The following ST13 variants were observed in gnomAD, a reference collection of about 807,000 sequenced individuals.
The protein encoded by ST13 is ST13 Hsp70 interacting protein, also known as hsc70-interacting protein.
A neutral mutation model predicts 56.7 loss-of-function variants in ST13; 23 were observed. The observed-to-expected ratio is 0.41, with a 90% CI of 0.29 to 0.57. The LOEUF (loss-of-function observed/expected upper bound fraction) is 0.57, where lower values mean the gene tolerates loss of function less well. Among genes scored for constraint, ST13 ranks in the 20% least tolerant of loss-of-function variants. The pLI is 0.36. For missense variants in ST13, 369 were observed against 459.9 expected, an observed-to-expected ratio of 0.80 and a Z score of 1.81; for synonymous variants, 132 against 142.4, an observed-to-expected ratio of 0.93 and a Z score of 0.52.
chr22:40,829,672 C>A lies in ST13; in HGVS notation c.801G>T (p.Glu267Asp). The stretch of plus-strand genomic sequence containing the variant: ...CTCCTGACTGTCGTCTGGCTTCTTC[C>A]TCCTTTGATACAAAAGGAAATAAAT... The part of the protein sequence containing the change: ...AREEHERAQR[E>D]EEARRQSGAQ... The change falls in exon 10 of 12, where the codon GAG (glutamate) becomes GAT (aspartate). Residue 267 changes from glutamate to aspartate, a missense_variant and splice_region_variant. This residue lies in a region of ST13 where 136 missense variants were observed against 159.2 expected (regional missense o/e 0.85). Coordinates refer to ENST00000216218, the MANE Select transcript of ST13 (RefSeq NM_003932.5). The A allele has an allele frequency of 6.8e-7, 1 of 1,478,094 alleles. No individual in the cohort carries two copies. Among genetic ancestry groups the A allele is most frequent in the Admixed American group, 1.8e-5 (1 of 54,770 alleles). The allele number at this position is 1,478,094 out of a possible 1,614,324, so 91.6% of individuals were successfully genotyped here.
chr22:40,855,980 T>C (rs1225323512), intron 1 of ST13, among the ~76,000 whole-genome samples: 1 of 152,216 alleles, frequency 6.6e-6, no homozygotes, highest in Non-Finnish European at 1.5e-5. Flanking sequence ...TTATTCTTAC[T>C]AGTTTTGTAA....
At chr22:40,828,448 CAAA>C (rs35951111) in intron 10 of ST13, among the ~76,000 whole-genome samples, 6 of 135,358 alleles carry the variant, frequency 4.4e-5, no homozygotes, top group African/African-American at 1.1e-4. Context: ...ACTAAAAATA[CAAA>C]AAAAAAAAAA....
rs540039417 is a variant in ST13, at chr22:40,856,635, G to A, written c.-95C>T. 55 of 976,482 alleles carry A rather than the reference G, an allele frequency of 5.6e-5. 1 individual carries two copies. In the East Asian group the frequency reaches 1.1e-3, roughly 20 times the overall value. The allele number at this position is 976,482 out of a possible 1,614,324, so 60.5% of individuals were successfully genotyped here. A position where few individuals can be genotyped will look rare whatever the true frequency, so the allele number is the denominator to read the frequency against. On this transcript the variant is annotated 5_prime_UTR_variant, in exon 1 of 12. Transcript: ENST00000216218. ...GACCGCGCAGAAGGGGGCGGCTGCC[G>A]CAAGACAGAACAGACTAGAACCTCC... is the stretch of plus-strand genomic sequence containing the variant.
At chr22:40,855,655 A>G (rs1009225739) in intron 1 of ST13, among the ~76,000 whole-genome samples, 1 of 152,234 alleles carries the variant, frequency 6.6e-6, no homozygotes, top group Non-Finnish European at 1.5e-5. Context: ...AATGCTAATT[A>G]CTATTATATA....
Position 40,844,862 on chromosome 22 carries a change from C to G in ST13, c.292G>C (p.Glu98Gln), listed in dbSNP as rs150689451. ...VIEPDTDAPQ[E>Q]MGDENAEITE... ...ACCTCCGCATTTTCATCTCCCATTT[C>G]TTGAGGAGCATCAGTGTCTGGTTCA... Residue 98 changes from glutamate (E) to glutamine (Q), a missense_variant, in exon 4 of 12, where the codon GAA becomes CAA. Around this residue, in one of 3 missense-constraint regions of ST13, gnomAD observed 169 missense variants for 175.6 expected, o/e 0.96. Transcript: ENST00000216218. 1.1e-5 allele frequency: 18 copies of G among 1,613,506 alleles called. No homozygotes were observed. The highest frequency in any genetic ancestry group is 3.3e-5 in the Admixed American group (2 of 59,952).
At chr22:40,838,668 G>T (rs2057788517) in intron 5 of ST13, among the ~76,000 whole-genome samples, 1 of 152,010 alleles carries the variant, frequency 6.6e-6, no homozygotes, top group Non-Finnish European at 1.5e-5. Context: ...AGCTACTCAG[G>T]AAGATTGCTT....
chr22:40,853,120 G>C (rs1326643706), intron 1 of ST13, among the ~76,000 whole-genome samples: 11 of 152,148 alleles, frequency 7.2e-5, no homozygotes. Context: ...TCAGAATGGA[G>C]ACTACGTGAC....
chr22:40,846,981 C>A (rs910062836), intron 3 of ST13, among the ~76,000 whole-genome samples: 33 of 151,028 alleles, frequency 2.2e-4, no homozygotes, highest in African/African-American at 8.1e-4. Flanking sequence ...GGTGGCAGAG[C>A]GAAACTCAAG....
intron 4 of ST13, among the ~76,000 whole-genome samples, chr22:40,842,870 C>A (rs766328796): frequency 6.6e-6 from 1 of 152,162 alleles, no homozygotes; most frequent in Non-Finnish European, 1.5e-5. Context: ...ACAAGACTTA[C>A]GTCAGGTGCA....
intron 2 of ST13, among the ~76,000 whole-genome samples, chr22:40,849,732 AT>A (rs747861897): frequency 2.3e-4 from 35 of 152,122 alleles, no homozygotes; most frequent in Non-Finnish European, 4.6e-4. Context: ...TACCACTCTG[AT>A]AAATGGTCCT....
chr22:40,826,440 GAGA>G lies in ST13; in HGVS notation c.*95_*97del, dbSNP rs770708625. The stretch of plus-strand genomic sequence containing the variant: ...TTCAAAGCACCCCAGCTCTCTTGAT[GAGA>G]AGGTCAGAGGTACACTGGTTTGTAT... On this transcript the variant is annotated 3_prime_UTR_variant, in exon 12 of 12. Transcript: ENST00000216218. 61 of 1,286,442 alleles carry G rather than the reference GAGA, an allele frequency of 4.7e-5. No individual in the cohort carries two copies. The Middle Eastern group carries it at 2.3e-3, about 48-fold the overall frequency. The allele number at this position is 1,286,442 out of a possible 1,614,324, so 79.7% of individuals were successfully genotyped here.
At position 40,850,887 on chromosome 22, in the gene ST13, G is replaced by T. The variant is rs368053189; in HGVS notation, c.111-7C>A. ...TGGTACTTTACCACCCATGCTTGAA[G>T]AAGATGAGAAAAAAGATATTTGTTT... is the stretch of plus-strand genomic sequence containing the variant. On this transcript the variant is annotated splice_region_variant and splice_polypyrimidine_tract_variant and intron_variant, in intron 1 of 11. Coordinates refer to ENST00000216218, the MANE Select transcript of ST13 (RefSeq NM_003932.5). 4 of 1,583,960 alleles carry T rather than the reference G, an allele frequency of 2.5e-6. No homozygotes were observed. In the Admixed American group the frequency reaches 7.8e-5, roughly 31 times the overall value.
At chr22:40,832,247 T>C (rs1285044881) in intron 8 of ST13, 1 of 479,486 alleles carries the variant, frequency 2.1e-6, no homozygotes, top group Non-Finnish European at 4.3e-6. Flanking sequence ...TCAGATTCAA[T>C]CCTGGGTAAT....
chr22:40,847,292 T>G (rs1569004290), intron 3 of ST13, among the ~76,000 whole-genome samples: 1 of 151,956 alleles, frequency 6.6e-6, no homozygotes, highest in African/African-American at 2.4e-5. Context: ...CCAAACACTT[T>G]GGAGGCCAAG....
At chr22:40,836,407 C>G (rs1432947969) in intron 5 of ST13, among the ~76,000 whole-genome samples, 1 of 152,114 alleles carries the variant, frequency 6.6e-6, no homozygotes, top group Non-Finnish European at 1.5e-5. Context: ...ATCACCACTG[C>G]ACTCCAGCCT....
chr22:40,831,051 C>A, intron 8 of ST13, 95 bp from the exon 9 acceptor site: 3 of 810,720 alleles, frequency 3.7e-6, no homozygotes, highest in South Asian at 3.3e-5. Context: ...ATTCAACATG[C>A]AGTTCAGAAA....
chr22:40,838,836 G>C (rs956071441), intron 5 of ST13, among the ~76,000 whole-genome samples: 1 of 151,788 alleles, frequency 6.6e-6, no homozygotes, highest in Non-Finnish European at 1.5e-5. Flanking sequence ...GCAATGGCTG[G>C]GAACAACTGA....
intron 3 of ST13, among the ~76,000 whole-genome samples, chr22:40,846,494 C>T (rs1806247885): frequency 6.6e-6 from 1 of 152,032 alleles, no homozygotes. Flanking sequence ...CATTTTTTAA[C>T]AGCAACTAAG....
At chr22:40,852,940 T>C (rs2057869277) in intron 1 of ST13, among the ~76,000 whole-genome samples, 1 of 152,198 alleles carries the variant, frequency 6.6e-6, no homozygotes, top group African/African-American at 2.4e-5. Context: ...ATAGTATAAC[T>C]TACAGTACAC....
Sources: gnomAD v4.1 joint callset for allele counts (sites outside exome capture counted in the v4.1 genomes callset) on GRCh38, gnomAD v4.1.1 for gene constraint, gnomAD v4.1.1 regional missense constraint, MANE v1.5 for transcripts, NCBI Gene and HGNC (gene_info 2026-07-23, HGNC 2026-07-21) for gene names.